ARHGAP10: variants seen among roughly 807,000 people sequenced by gnomAD.
ARHGAP10 encodes rho GTPase-activating protein 10.
In ARHGAP10, 87 loss-of-function variants were observed where a neutral mutation model predicts 108.6. That is an observed-to-expected ratio of 0.80 (90% confidence interval 0.67 to 0.96). The LOEUF is 0.96. Ranked by LOEUF, ARHGAP10 falls within the 40% of genes least tolerant of loss-of-function variation. ARHGAP10 has a pLI of 0.00. For missense variants in ARHGAP10, 939 were observed against 954.5 expected (o/e 0.98, Z 0.21); for synonymous variants, 347 against 341.1 (o/e 1.02, Z -0.19).
chr4:147,795,967 A>G (rs1731304102), intron 1 of ARHGAP10, among the ~76,000 whole-genome samples: 1 of 152,190 alleles, frequency 6.6e-6, no homozygotes, highest in Non-Finnish European at 1.5e-5. Context: ...TGCTGGGATT[A>G]CAGACATGAG....
intron 1 of ARHGAP10, among the ~76,000 whole-genome samples, chr4:147,773,550 C>T (rs1241139910): frequency 1.3e-5 from 2 of 152,160 alleles, no homozygotes; most frequent in Admixed American, 6.5e-5. Context: ...ATATTGTATT[C>T]TGAGTTATAA....
chr4:147,836,391 T>G (rs1733171677), intron 3 of ARHGAP10, among the ~76,000 whole-genome samples: 1 of 152,250 alleles, frequency 6.6e-6, no homozygotes, highest in Non-Finnish European at 1.5e-5. Flanking sequence ...GATAAAATTC[T>G]TACTGGGGAC....
At chr4:147,765,319 C>T (rs1729752354) in intron 1 of ARHGAP10, among the ~76,000 whole-genome samples, 1 of 95,916 alleles carries the variant, frequency 1.0e-5, no homozygotes, top group African/African-American at 4.1e-5. Flanking sequence ...GGTGTGTGTG[C>T]TGTGGTGTGT....
chr4:147,863,053 C>T (rs1294945067), intron 5 of ARHGAP10: 1 of 152,078 alleles, frequency 6.6e-6, no homozygotes, highest in African/African-American at 2.4e-5. Context: ...GTGTTAAATG[C>T]TTTTCAAAAA....
chr4:147,874,972 A>G (rs928627388), intron 7 of ARHGAP10, 49 bp from the exon 8 acceptor site: 2 of 1,465,706 alleles, frequency 1.4e-6, no homozygotes, highest in Non-Finnish European at 1.8e-6. Flanking sequence ...TTCATGAGAA[A>G]ACTCATATGA....
chr4:148,059,996 G>GGA (rs1560897892), intron 20 of ARHGAP10, among the ~76,000 whole-genome samples: 3 of 129,238 alleles, frequency 2.3e-5, no homozygotes, highest in Non-Finnish European at 3.3e-5. Flanking sequence ...GAGAGAGAGG[G>GGA]GAGAGAGAGG....
At chr4:147,779,159 C>G (rs964797239) in intron 1 of ARHGAP10, among the ~76,000 whole-genome samples, 2 of 152,114 alleles carry the variant, frequency 1.3e-5, no homozygotes, top group Non-Finnish European at 2.9e-5. Context: ...CCAGGTGATG[C>G]TGATGTTGCT....
At chr4:147,732,677 G>A (rs1353192868) in intron 1 of ARHGAP10, among the ~76,000 whole-genome samples, 2 of 152,118 alleles carry the variant, frequency 1.3e-5, no homozygotes, top group Non-Finnish European at 2.9e-5. Context: ...GCGGCTCTGC[G>A]GCGGCGGGAA....
intron 18 of ARHGAP10, among the ~76,000 whole-genome samples, chr4:147,991,801 C>G (rs1740288161): frequency 6.6e-6 from 1 of 152,222 alleles, no homozygotes; most frequent in African/African-American, 2.4e-5. Flanking sequence ...TGTGTTTACT[C>G]TTTTTCTGCA....
intron 1 of ARHGAP10, among the ~76,000 whole-genome samples, chr4:147,822,392 G>C (rs1166424201): frequency 6.6e-6 from 1 of 152,226 alleles, no homozygotes; most frequent in Admixed American, 6.5e-5. Flanking sequence ...CTGAACTTCA[G>C]AATTGGGCAA....
intron 15 of ARHGAP10, among the ~76,000 whole-genome samples, chr4:147,950,703 A>AT (rs370760462): frequency 3.5e-4 from 52 of 148,794 alleles, no homozygotes; most frequent in East Asian, 7.8e-4. Flanking sequence ...TGACGAGGCA[A>AT]TTTTTTTTTT....
intron 22 of ARHGAP10, among the ~76,000 whole-genome samples, chr4:148,071,076 C>T (rs750241113): frequency 1.2e-4 from 18 of 152,158 alleles, no homozygotes; most frequent in South Asian, 2.1e-4. Flanking sequence ...GGGAGTCAGA[C>T]GAGACTCTGA....
intron 3 of ARHGAP10, among the ~76,000 whole-genome samples, chr4:147,843,833 A>G (rs1449760343): frequency 6.6e-6 from 1 of 152,158 alleles, no homozygotes; most frequent in Non-Finnish European, 1.5e-5. Context: ...TTCTTCTTTT[A>G]TCCAACACCT....
At chr4:147,745,322 T>A (rs1437819566) in intron 1 of ARHGAP10, 2 of 152,234 alleles carry the variant, frequency 1.3e-5, no homozygotes, top group African/African-American at 4.8e-5. Flanking sequence ...TCCAAATACT[T>A]CAAAACATTC....
chr4:147,784,458 ATATT>A (rs1380717996), intron 1 of ARHGAP10, among the ~76,000 whole-genome samples: 5 of 124,178 alleles, frequency 4.0e-5, no homozygotes, highest in Non-Finnish European at 4.7e-5. Flanking sequence ...TATATGATAT[ATATT>A]ATATAATTTA....
At chr4:147,773,305 C>G (rs1347520593) in intron 1 of ARHGAP10, among the ~76,000 whole-genome samples, 1 of 151,976 alleles carries the variant, frequency 6.6e-6, no homozygotes, top group African/African-American at 2.4e-5. Context: ...GTAAGTTCAC[C>G]CAGTTCATCA....
chr4:147,760,228 C>A (rs1231686682), intron 1 of ARHGAP10, among the ~76,000 whole-genome samples: 1 of 152,122 alleles, frequency 6.6e-6, no homozygotes, highest in Non-Finnish European at 1.5e-5. Context: ...GGAGGCTGAC[C>A]ATTTACAAAA....
At chr4:147,916,688 A>G (rs1472119924) in intron 13 of ARHGAP10, 1 of 152,234 alleles carries the variant, frequency 6.6e-6, no homozygotes, top group Admixed American at 6.5e-5. Flanking sequence ...TACGGGGTCC[A>G]TCGCTGATGT....
At chr4:147,932,391 G>C (rs925226623) in intron 13 of ARHGAP10, among the ~76,000 whole-genome samples, 1 of 152,028 alleles carries the variant, frequency 6.6e-6, no homozygotes, top group Non-Finnish European at 1.5e-5. Flanking sequence ...CAAAGACATG[G>C]AATCAACCCA....
Sources: allele counts gnomAD v4.1 joint callset (sites outside exome capture counted in the v4.1 genomes callset), GRCh38; gene constraint gnomAD v4.1.1; transcripts MANE v1.5; gene names NCBI Gene and HGNC (gene_info 2026-07-23, HGNC 2026-07-21).